Variants in LPIN1 observed in about 807,000 individuals in gnomAD.
The protein encoded by LPIN1 is phosphatidate phosphatase LPIN1.
A neutral mutation model predicts 107.5 loss-of-function variants in LPIN1; 71 were observed. That is an observed-to-expected ratio of 0.66 (90% CI 0.55 to 0.80). LPIN1 has a LOEUF of 0.80. Among genes scored for constraint, LPIN1 ranks in the 30% least tolerant of loss-of-function variants. The pLI, the probability that LPIN1 is intolerant of heterozygous loss-of-function variation, is 0.00. For synonymous variants in LPIN1, 445 were observed against 452.6 expected (o/e 0.98, Z 0.21); for missense variants, 1,043 against 1,160.6 (o/e 0.90, Z 1.47).
chr2:11,735,303 AAAAG>A (rs1665683936), intron 1 of LPIN1, among the ~76,000 whole-genome samples: 1 of 151,882 alleles, frequency 6.6e-6, no homozygotes, highest in African/African-American at 2.4e-5. Context: ...AAAAAAAAAA[AAAAG>A]AAAGTGTTCC....
At chr2:11,795,819 A>C (rs575347528) in intron 14 of LPIN1, among the ~76,000 whole-genome samples, 1 of 152,268 alleles carries the variant, frequency 6.6e-6, no homozygotes, top group Non-Finnish European at 1.5e-5. Flanking sequence ...CAGTGATGAC[A>C]GGAATAAATA....
rs1205659220 is a variant in LPIN1 at position 11,750,069 on chromosome 2, G to A, written c.-10+3398G>A. Reference sequence around the variant, plus strand: ...AACACCCCCATTTGCCTGCTGGCACGCACTTGTGCCCCCCTCCCCTCCCCG... The same window carrying A: ...AACACCCCCATTTGCCTGCTGGCACACACTTGTGCCCCCCTCCCCTCCCCG... On this transcript the variant is annotated intron_variant, in intron 1 of 20. Coordinates refer to ENST00000674199, the MANE Select transcript of LPIN1 (RefSeq NM_001349206.2). Among the ~76,000 whole-genome samples, 6 of 152,074 alleles carry A rather than the reference G, an allele frequency of 3.9e-5. No homozygotes were observed. The South Asian group carries it at 6.2e-4, about 16-fold the overall frequency.
At chr2:11,748,819 G>C (rs1455771521) in intron 1 of LPIN1, among the ~76,000 whole-genome samples, 1 of 152,188 alleles carries the variant, frequency 6.6e-6, no homozygotes, top group African/African-American at 2.4e-5. Flanking sequence ...TTTTCCTTAG[G>C]GTGGGAGGGG....
At chr2:11,693,522 G>C (rs1014309535) in intron 1 of LPIN1, among the ~76,000 whole-genome samples, 1 of 151,920 alleles carries the variant, frequency 6.6e-6, no homozygotes, top group Non-Finnish European at 1.5e-5. Flanking sequence ...TCGGTGGTTC[G>C]TAGTTTCCTC....
At chr2:11,744,708 A>G (rs996381048), upstream of LPIN1, among the ~76,000 whole-genome samples, 6 of 152,224 alleles carry the variant, frequency 3.9e-5, no homozygotes, top group African/African-American at 1.4e-4. Context: ...AAGCCTTTCC[A>G]CATAGAGTAG....
intron 1 of LPIN1, among the ~76,000 whole-genome samples, chr2:11,679,585 A>G (rs749602480): frequency 6.6e-6 from 1 of 152,112 alleles, no homozygotes; most frequent in African/African-American, 2.4e-5. Context: ...CTTGTATTCC[A>G]TCGCTCTTCC....
At chr2:11,813,911 C>T (rs1252647659) in intron 17 of LPIN1, among the ~76,000 whole-genome samples, 1 of 151,706 alleles carries the variant, frequency 6.6e-6, no homozygotes, top group Non-Finnish European at 1.5e-5. Flanking sequence ...AAGACTCTGT[C>T]TCGAAAACAA....
At chr2:11,768,834 A>C (rs911637006) in intron 3 of LPIN1, among the ~76,000 whole-genome samples, 1 of 151,990 alleles carries the variant, frequency 6.6e-6, no homozygotes, top group Non-Finnish European at 1.5e-5. Flanking sequence ...TACTCCGGAG[A>C]CTGAGGCAGG....
intron 1 of LPIN1, among the ~76,000 whole-genome samples, chr2:11,761,448 A>G (rs536903866): frequency 6.6e-6 from 1 of 152,308 alleles, no homozygotes; most frequent in South Asian, 2.1e-4. Context: ...AGGAAGGCAG[A>G]TGTGTGTTCC....
intron 3 of LPIN1, among the ~76,000 whole-genome samples, chr2:11,768,816 G>C (rs1461037013): frequency 6.6e-6 from 1 of 152,090 alleles, no homozygotes; most frequent in African/African-American, 2.4e-5. Flanking sequence ...GGTGCCTGTA[G>C]TCCCAGCTAC....
At position 11,779,501 on chromosome 2, in the gene LPIN1, C is replaced by A. The variant is rs754257739; in HGVS notation, c.831-18C>A. 1.0e-4 allele frequency: 166 copies of A among 1,612,446 alleles called. 1 individual carries two copies. The highest frequency in any genetic ancestry group is 1.8e-4 in the Admixed American group (11 of 59,994). On this transcript the variant is annotated intron_variant, in intron 6 of 20. Transcript: ENST00000674199. ...GTTTCTTTTCCCACCTTAATTTTCG[C>A]TTTGTGTTTTCCTTAAGTCCTTCCG...
intron 1 of LPIN1, among the ~76,000 whole-genome samples, chr2:11,759,133 T>TTTTCTTTTC (rs1669146276): frequency 4.6e-5 from 6 of 131,534 alleles, no homozygotes; most frequent in African/African-American, 8.7e-5. Flanking sequence ...GCTTTCTTTC[T>TTTTCTTTTC]TTTCTTTCTT....
intron 15 of LPIN1, 151 bp from the exon 16 acceptor site, chr2:11,804,272 G>C (rs1216389983): frequency 1.9e-5 from 16 of 831,036 alleles, no homozygotes; most frequent in Non-Finnish European, 2.7e-5. Flanking sequence ...CCAGAACAAG[G>C]AAGGGTGGGG....
intron 8 of LPIN1, 98 bp downstream of exon 8, chr2:11,782,605 A>G: frequency 7.4e-7 from 1 of 1,353,076 alleles, no homozygotes; most frequent in Non-Finnish European, 1.0e-6. Flanking sequence ...AAACTGAGGT[A>G]GAAACTGAAC....
intron 12 of LPIN1, among the ~76,000 whole-genome samples, chr2:11,789,999 T>C (rs553516056): frequency 5.1e-4 from 77 of 151,464 alleles, no homozygotes; most frequent in Non-Finnish European, 1.0e-3. Context: ...GTATCACACA[T>C]AAAATGGCCC....
intron 1 of LPIN1, among the ~76,000 whole-genome samples, chr2:11,705,150 C>T (rs892856453): frequency 6.6e-6 from 1 of 152,214 alleles, no homozygotes; most frequent in African/African-American, 2.4e-5. Context: ...TAAATAGTAG[C>T]CTGAAATGCA....
intron 17 of LPIN1, among the ~76,000 whole-genome samples, chr2:11,809,696 G>C (rs776136518): frequency 6.6e-6 from 1 of 152,200 alleles, no homozygotes; most frequent in Non-Finnish European, 1.5e-5. Context: ...GATTACAGGC[G>C]TGAGCCACTG....
chr2:11,759,190 T>TTTCTTTTC (rs1553418553), intron 1 of LPIN1, among the ~76,000 whole-genome samples: 8 of 122,946 alleles, frequency 6.5e-5, no homozygotes, highest in African/African-American at 1.9e-4. Context: ...TCTTTCTTTC[T>TTTCTTTTC]TTTCTTTCTT....
At chr2:11,678,832 G>A (rs900031121) in intron 1 of LPIN1, among the ~76,000 whole-genome samples, 3 of 152,320 alleles carry the variant, frequency 2.0e-5, no homozygotes, top group South Asian at 2.1e-4. Flanking sequence ...GGCCTGCAGG[G>A]GAGAGACATC....
Sources: allele counts gnomAD v4.1 joint callset (sites outside exome capture counted in the v4.1 genomes callset), GRCh38; gene constraint gnomAD v4.1.1; transcripts MANE v1.5; gene names NCBI Gene and HGNC (gene_info 2026-07-23, HGNC 2026-07-21).